XKR4: variants seen among roughly 807,000 people sequenced by gnomAD.
XKR4 encodes XK-related protein 4.
A neutral mutation model predicts 53.9 loss-of-function variants in XKR4; 12 were observed. The observed-to-expected ratio is 0.22, with a 90% CI of 0.14 to 0.36. The LOEUF is 0.36. Ranked by LOEUF, XKR4 falls within the 10% of genes least tolerant of loss-of-function variation. XKR4 has a pLI of 1.00. For synonymous variants in XKR4, 354 were observed against 362.4 expected (o/e 0.98, Z 0.26); for missense variants, 799 against 859.5 (o/e 0.93, Z 0.88).
At chr8:55,110,311 T>C (rs1816213830) in intron 1 of XKR4, among the ~76,000 whole-genome samples, 1 of 152,180 alleles carries the variant, frequency 6.6e-6, no homozygotes, top group Non-Finnish European at 1.5e-5. Flanking sequence ...AACAACATGA[T>C]GGTGTCCTTG....
chr8:55,182,744 T>A (rs1021947084), intron 1 of XKR4, among the ~76,000 whole-genome samples: 2 of 152,212 alleles, frequency 1.3e-5, no homozygotes, highest in Admixed American at 1.3e-4. Context: ...CTTTCAACTT[T>A]GTTATTTTGA....
At chr8:55,256,047 G>T (rs1818435622) in intron 1 of XKR4, among the ~76,000 whole-genome samples, 1 of 151,668 alleles carries the variant, frequency 6.6e-6, no homozygotes, top group Non-Finnish European at 1.5e-5. Flanking sequence ...TTTTCTAGGG[G>T]TTGTATCTAG....
At chr8:55,458,897 G>T (rs1384110325) in intron 2 of XKR4, among the ~76,000 whole-genome samples, 1 of 152,198 alleles carries the variant, frequency 6.6e-6, no homozygotes, top group African/African-American at 2.4e-5. Flanking sequence ...ATTCAAGGGG[G>T]AAAACAGAAA....
chr8:55,141,222 C>G (rs1355313300), intron 1 of XKR4, among the ~76,000 whole-genome samples: 1 of 152,188 alleles, frequency 6.6e-6, no homozygotes, highest in Non-Finnish European at 1.5e-5. Flanking sequence ...GCACTGGGAC[C>G]GCCCTGCCTA....
intron 1 of XKR4, among the ~76,000 whole-genome samples, chr8:55,153,869 A>C (rs1194605001): frequency 6.6e-6 from 1 of 152,252 alleles, no homozygotes; most frequent in Non-Finnish European, 1.5e-5. Flanking sequence ...TTGTTAATGC[A>C]GGAAGATATT....
chr8:55,459,030 A>C (rs567123507), intron 2 of XKR4, among the ~76,000 whole-genome samples: 4 of 152,312 alleles, frequency 2.6e-5, no homozygotes, highest in Admixed American at 2.0e-4. Flanking sequence ...ACTAACCATA[A>C]AGCTACAGTA....
At chr8:55,279,835 C>T (rs892315529) in intron 1 of XKR4, among the ~76,000 whole-genome samples, 1 of 152,134 alleles carries the variant, frequency 6.6e-6, no homozygotes, top group Non-Finnish European at 1.5e-5. Flanking sequence ...GCAGAGATGA[C>T]TAGGTATGAG....
intron 2 of XKR4, among the ~76,000 whole-genome samples, chr8:55,436,068 C>A (rs1175686015): frequency 1.3e-5 from 2 of 152,136 alleles, no homozygotes; most frequent in Non-Finnish European, 2.9e-5. Context: ...TTAAGCACAC[C>A]ATTTTTCCTG....
intron 1 of XKR4, among the ~76,000 whole-genome samples, chr8:55,192,475 G>T (rs1817456744): frequency 6.6e-6 from 1 of 152,018 alleles, no homozygotes; most frequent in Non-Finnish European, 1.5e-5. Context: ...TTGCAGTTAG[G>T]CAGAAAAATA....
intron 1 of XKR4, among the ~76,000 whole-genome samples, chr8:55,280,700 T>A (rs1818833084): frequency 1.3e-5 from 2 of 152,192 alleles, no homozygotes; most frequent in African/African-American, 2.4e-5. Context: ...TATGGATTTT[T>A]AAAAAATACT....
chr8:55,165,614 T>C (rs1817054635), intron 1 of XKR4, among the ~76,000 whole-genome samples: 1 of 151,970 alleles, frequency 6.6e-6, no homozygotes, highest in Non-Finnish European at 1.5e-5. Flanking sequence ...ACTTAAAATC[T>C]TCATCTCTTC....
intron 2 of XKR4, among the ~76,000 whole-genome samples, chr8:55,405,230 T>A (rs1442913870): frequency 6.6e-6 from 1 of 152,126 alleles, no homozygotes. Flanking sequence ...ATTGGACACA[T>A]GTAGCGAAGA....
chr8:55,298,430 C>A (rs1222467710), intron 1 of XKR4, among the ~76,000 whole-genome samples: 1 of 152,104 alleles, frequency 6.6e-6, no homozygotes, highest in Non-Finnish European at 1.5e-5. Flanking sequence ...AGCATGGCAC[C>A]AGCATTACTT....
intron 2 of XKR4, among the ~76,000 whole-genome samples, chr8:55,471,882 T>A (rs1805890061): frequency 6.6e-6 from 1 of 152,154 alleles, no homozygotes; most frequent in South Asian, 2.1e-4. Context: ...CAGAAGCAGA[T>A]GCTGGCACCA....
Position 55,443,530 on chromosome 8 carries a change from T to TAAAAAAA in XKR4, c.1007-79731_1007-79725dup, listed in dbSNP as rs751152509. 3.4e-4 allele frequency among the ~76,000 whole-genome samples: 25 copies of TAAAAAAA among 74,008 alleles called. 2 individuals carry two copies. Among genetic ancestry groups the TAAAAAAA allele is most frequent in the African/African-American group, 1.1e-3 (17 of 15,950 alleles). 48.6% of individuals were successfully genotyped at this position (74,008 alleles called of 152,430 possible). ...TTTGTAGATTTATAATCAGTTACAT[T>TAAAAAAA]AAAAAAAAAAAAAAAAAAAAAAAAA... On this transcript the variant is annotated intron_variant, in intron 2 of 2. Transcript: ENST00000327381.
Position 55,103,234 on chromosome 8 carries a change from C to T in XKR4, c.746C>T (p.Ser249Phe). The change falls in exon 1 of 3, where the codon TCC (serine) becomes TTC (phenylalanine). Residue 249 changes from serine to phenylalanine, a missense_variant. Transcript: ENST00000327381. ...GGCAAGCACAGGTCTGCGTCCTGCT[C>T]CTTCTGCATCTGGCTCCTGCAGTCA... ...ASGKHRSASC[S>F]FCIWLLQSLI... 6.2e-7 allele frequency: 1 copy of T among 1,613,950 alleles called. No individual in the cohort carries two copies. Among genetic ancestry groups the T allele is most frequent in the South Asian group, 1.1e-5 (1 of 91,060 alleles).
chr8:55,514,803 G>A (rs1330983720), intron 2 of XKR4, among the ~76,000 whole-genome samples: 1 of 152,084 alleles, frequency 6.6e-6, no homozygotes, highest in Non-Finnish European at 1.5e-5. Context: ...TATTTTTAGT[G>A]TAAAATTAAT....
chr8:55,133,650 A>G (rs922754690), intron 1 of XKR4, among the ~76,000 whole-genome samples: 2 of 152,248 alleles, frequency 1.3e-5, no homozygotes, highest in African/African-American at 4.8e-5. Flanking sequence ...AGTGTGAATT[A>G]ATATGACAAC....
chr8:55,322,451 G>A (rs534701133), intron 1 of XKR4, among the ~76,000 whole-genome samples: 2 of 152,272 alleles, frequency 1.3e-5, no homozygotes, highest in Non-Finnish European at 2.9e-5. Flanking sequence ...TATCATACAT[G>A]CCATCTCTTA....
Sources: gnomAD v4.1 joint callset for allele counts (sites outside exome capture counted in the v4.1 genomes callset) on GRCh38, gnomAD v4.1.1 for gene constraint, MANE v1.5 for transcripts, NCBI Gene and HGNC (gene_info 2026-07-23, HGNC 2026-07-21) for gene names.